The following OSTM1 variants were observed in gnomAD, a reference collection of about 807,000 sequenced individuals.
The protein encoded by OSTM1 is osteopetrosis-associated transmembrane protein 1.
Under a neutral mutation model 35.4 loss-of-function variants are expected in OSTM1, and 26 were observed. That is an observed-to-expected ratio of 0.73 (90% CI 0.54 to 1.02). The LOEUF is 1.02. OSTM1 is among the 50% of genes least tolerant of loss of function. The pLI, the probability that OSTM1 is intolerant of heterozygous loss-of-function variation, is 0.00. For missense variants in OSTM1, 366 were observed against 409.6 expected, an observed-to-expected ratio of 0.89 and a Z score of 0.92; for synonymous variants, 181 against 165.0, an observed-to-expected ratio of 1.10 and a Z score of -0.75.
chr6:108,067,828 T>TAAAAAAA (rs60932026), intron 1 of OSTM1, among the ~76,000 whole-genome samples: 12 of 77,770 alleles, frequency 1.5e-4, no homozygotes, highest in East Asian at 3.5e-4. Flanking sequence ...AGCCTCTGTC[T>TAAAAAAA]AAAAAAAAAA....
chr6:108,044,926 T>G, intron 5 of OSTM1, 86 bp from the exon 6 acceptor site: 1 of 657,968 alleles, frequency 1.5e-6, no homozygotes, highest in Non-Finnish European at 2.4e-6. Flanking sequence ...CTATAGTATT[T>G]ATCTATTAAT....
chr6:108,051,596 C>T (rs1222551664), intron 3 of OSTM1, among the ~76,000 whole-genome samples: 2 of 152,162 alleles, frequency 1.3e-5, no homozygotes, highest in Non-Finnish European at 2.9e-5. Context: ...ACTTATCTAT[C>T]CTACTCTCAC....
intron 3 of OSTM1, among the ~76,000 whole-genome samples, chr6:108,051,745 T>C (rs1190088250): frequency 6.6e-6 from 1 of 152,188 alleles, no homozygotes; most frequent in Non-Finnish European, 1.5e-5. Context: ...AGGCTCATAA[T>C]CCAGGCCTTT....
chr6:108,044,665 G>T lies in OSTM1; in HGVS notation c.*120C>A. Reference sequence around the variant, plus strand: ...AAAATTCTTATTTAAAAATGGATCTGAAGTCCTTGTATTTCTTAAGAGCTT... The same window carrying T: ...AAAATTCTTATTTAAAAATGGATCTTAAGTCCTTGTATTTCTTAAGAGCTT... On this transcript the variant is annotated 3_prime_UTR_variant, in exon 6 of 6. Coordinates refer to ENST00000193322, the MANE Select transcript of OSTM1 (RefSeq NM_014028.4). 1 of 604,342 alleles carries T rather than the reference G, an allele frequency of 1.7e-6. No individual in the cohort carries two copies. The allele number at this position is 604,342 out of a possible 1,614,324, so 37.4% of individuals were successfully genotyped here.
At chr6:108,056,130 T>C (rs904376757) in intron 2 of OSTM1, among the ~76,000 whole-genome samples, 1 of 152,184 alleles carries the variant, frequency 6.6e-6, no homozygotes, top group Non-Finnish European at 1.5e-5. Context: ...ACAACGAAAG[T>C]TAACACTTAC....
At chr6:108,048,753 T>TTC (rs1772025175) in intron 5 of OSTM1, among the ~76,000 whole-genome samples, 1 of 134,570 alleles carries the variant, frequency 7.4e-6, no homozygotes, top group African/African-American at 2.6e-5. Flanking sequence ...TTTTAACTTT[T>TTC]TTTTTTTTTT....
chr6:108,041,676 G>T lies in OSTM1; in HGVS notation c.*3109C>A, dbSNP rs1180089553. On this transcript the variant is annotated 3_prime_UTR_variant, in exon 6 of 6. Coordinates refer to ENST00000193322, the MANE Select transcript of OSTM1 (RefSeq NM_014028.4). ...AAGCATCTCAAGTCTCCATTTAAGA[G>T]TTGACTATCAAAGAATGACTGTTAT... The T allele has an allele frequency of 1.3e-5, 2 of 152,136 alleles. No individual in the cohort carries two copies. The highest frequency in any genetic ancestry group is 4.8e-5 in the African/African-American group (2 of 41,424). 9.4% of individuals were successfully genotyped at this position (152,136 alleles called of 1,614,324 possible).
At chr6:108,072,993 GA>G (rs750271007) in intron 1 of OSTM1, among the ~76,000 whole-genome samples, 1 of 152,146 alleles carries the variant, frequency 6.6e-6, no homozygotes, top group Non-Finnish European at 1.5e-5. Flanking sequence ...ATTTTTAGTA[GA>G]GACGGGGGTT....
chr6:108,060,418 T>C (rs1346770141), intron 2 of OSTM1, among the ~76,000 whole-genome samples: 1 of 152,196 alleles, frequency 6.6e-6, no homozygotes, highest in Non-Finnish European at 1.5e-5. Flanking sequence ...TGAAATCTTT[T>C]TTACAAAACA....
rs149739267 is a variant in OSTM1, at chr6:108,054,925, A to T, written c.518-338T>A. On this transcript the variant is annotated intron_variant, in intron 2 of 5. Coordinates refer to ENST00000193322, the MANE Select transcript of OSTM1 (RefSeq NM_014028.4). ...GTGCTATTTAGGCATAAGACTGTTTACCCTGCATTAATTTTACCGAAACTC... is the reference window on the plus strand; with the variant it reads ...GTGCTATTTAGGCATAAGACTGTTTTCCCTGCATTAATTTTACCGAAACTC... Among the ~76,000 whole-genome samples, 765 of 152,310 alleles carry T rather than the reference A, an allele frequency of 5.0e-3. 7 individuals carry two copies. The highest frequency in any genetic ancestry group is 0.018 in the African/African-American group (729 of 41,568).
intron 2 of OSTM1, among the ~76,000 whole-genome samples, chr6:108,062,931 A>G (rs75613937): frequency 0.019 from 2,808 of 151,598 alleles, 27 homozygotes; most frequent in East Asian, 0.05. Flanking sequence ...TCCCTTGCTA[A>G]CTTTACCTCC....
chr6:108,071,466 T>A (rs1297660474), intron 1 of OSTM1, among the ~76,000 whole-genome samples: 5 of 141,530 alleles, frequency 3.5e-5, no homozygotes, highest in South Asian at 4.5e-4. Context: ...GCTAATTTTT[T>A]TTTTTTTTTT....
Position 108,074,366 on chromosome 6 carries a change from C to A in OSTM1, c.286G>T (p.Ala96Ser). The A allele has an allele frequency of 1.3e-6, 2 of 1,599,542 alleles. No individual in the cohort carries two copies. Among genetic ancestry groups the A allele is most frequent in the Non-Finnish European group, 8.5e-7 (1 of 1,173,650 alleles). The change falls in exon 1 of 6, where the codon GCA (alanine) becomes TCA (serine). Residue 96 changes from alanine to serine, a missense_variant. This residue lies in a region of OSTM1 where 236 missense variants were observed against 239.3 expected (regional missense o/e 0.99). Coordinates refer to ENST00000193322, the MANE Select transcript of OSTM1 (RefSeq NM_014028.4). ...CGCACCAGACACCCTGTCAGCTCTG[C>A]GCTGCTGTTGGCGAAGTCCAGCAGG... is the stretch of plus-strand genomic sequence containing the variant. The part of the protein sequence containing the change: ...ELLLDFANSS[A>S]ELTGCLVRSA...
chr6:108,064,978 C>A (rs1772351441), intron 1 of OSTM1, among the ~76,000 whole-genome samples: 1 of 152,186 alleles, frequency 6.6e-6, no homozygotes, highest in East Asian at 1.9e-4. Flanking sequence ...CATGCCACAG[C>A]CTCCCAGGTA....
In OSTM1 at chr6:108,049,399, A is replaced by G; in HGVS notation, c.803T>C (p.Leu268Pro). The part of the protein sequence containing the change: ...VEDAMNITRK[L>P]WSRTFNCSVP... ...TGAACAGTTGAAAGTTCGACTCCAT[A>G]GTTTTCGAGTGATGTTCATCTGGAA... is the stretch of plus-strand genomic sequence containing the variant. Residue 268 changes from leucine to proline, a missense_variant, in exon 5 of 6, where the codon CTA becomes CCA. Transcript: ENST00000193322. The G allele has an allele frequency of 1.2e-6, 2 of 1,613,830 alleles. No individual in the cohort carries two copies. Among genetic ancestry groups the G allele is most frequent in the Non-Finnish European group, 1.7e-6 (2 of 1,179,760 alleles).
chr6:108,064,404 A>G (rs1435089199), intron 1 of OSTM1, 105 bp from the exon 2 acceptor site: 6 of 713,270 alleles, frequency 8.4e-6, no homozygotes, highest in African/African-American at 1.8e-5. Flanking sequence ...TAAGCTTTTT[A>G]ACATTTTGTT....
intron 1 of OSTM1, among the ~76,000 whole-genome samples, chr6:108,069,571 A>G (rs1202418293): frequency 1.3e-5 from 2 of 152,222 alleles, no homozygotes; most frequent in Non-Finnish European, 2.9e-5. Flanking sequence ...AGAATAGGAC[A>G]GAGCCTACCA....
At chr6:108,064,815 C>A (rs1462389694) in intron 1 of OSTM1, among the ~76,000 whole-genome samples, 1 of 152,068 alleles carries the variant, frequency 6.6e-6, no homozygotes, top group Non-Finnish European at 1.5e-5. Context: ...CGCAGTTACA[C>A]AGACAAGGAG....
intron 3 of OSTM1, among the ~76,000 whole-genome samples, 163 bp downstream of exon 3, chr6:108,054,327 G>A (rs1487827524): frequency 6.6e-6 from 1 of 152,150 alleles, no homozygotes; most frequent in Non-Finnish European, 1.5e-5. Flanking sequence ...TTCATGATTT[G>A]TAAGTAGAAG....
Sources: gnomAD v4.1 joint callset for allele counts (sites outside exome capture counted in the v4.1 genomes callset) on GRCh38, gnomAD v4.1.1 for gene constraint, gnomAD v4.1.1 regional missense constraint, MANE v1.5 for transcripts, NCBI Gene and HGNC (gene_info 2026-07-23, HGNC 2026-07-21) for gene names.